Variants in PIK3C2G observed in about 807,000 individuals in gnomAD.
PIK3C2G encodes phosphatidylinositol 3-kinase C2 domain-containing subunit gamma.
Under a neutral mutation model 181.1 loss-of-function variants are expected in PIK3C2G, and 168 were observed. The ratio of observed to expected loss-of-function variants is 0.93; its 90% confidence interval spans 0.82 to 1.05. The LOEUF is 1.05. Ranked by LOEUF, PIK3C2G falls within the 50% of genes least tolerant of loss-of-function variation. The probability of loss-of-function intolerance (pLI) is 0.00; values close to 1 mark genes in which losing one functional copy is unlikely to be tolerated. For synonymous variants in PIK3C2G, 573 were observed against 592.2 expected, an observed-to-expected ratio of 0.97 and a Z score of 0.47; for missense variants, 1,869 against 1,732.8, an observed-to-expected ratio of 1.08 and a Z score of -1.40.
At chr12:18,685,587 G>A in the PIK3C2G span, 2 of 507,616 alleles carry the variant, frequency 3.9e-6, no homozygotes, top group African/African-American at 1.9e-5. Flanking sequence ...TAGCAATCTA[G>A]GGTGCAGTCT....
chr12:18,515,205 T>C (rs999745989), intron 24 of PIK3C2G, among the ~76,000 whole-genome samples: 5 of 151,938 alleles, frequency 3.3e-5, no homozygotes, highest in African/African-American at 7.2e-5. Flanking sequence ...TGTTGTGTGC[T>C]TCTCTGGTAT....
At chr12:18,623,840 T>C (rs138824415) in intron 31 of PIK3C2G, among the ~76,000 whole-genome samples, 1,910 of 151,878 alleles carry the variant, frequency 0.013, 12 homozygotes, top group Middle Eastern at 0.017. Flanking sequence ...GGAAAGTTCA[T>C]TGTTAGTCTA....
At chr12:18,698,800 G>C in the PIK3C2G span, among the ~76,000 whole-genome samples, 1 of 152,076 alleles carries the variant, frequency 6.6e-6, no homozygotes, top group African/African-American at 2.4e-5. Flanking sequence ...TACTCTTTTA[G>C]TTATTTTTAA....
chr12:18,470,529 A>T (rs1337600912), intron 18 of PIK3C2G, among the ~76,000 whole-genome samples: 1 of 152,162 alleles, frequency 6.6e-6, no homozygotes. Flanking sequence ...GCACTTTAAA[A>T]TGTGAAGATG....
chr12:18,605,149 A>T (rs1418090933), intron 30 of PIK3C2G, among the ~76,000 whole-genome samples: 2 of 152,198 alleles, frequency 1.3e-5, no homozygotes, highest in Admixed American at 1.3e-4. Context: ...AGCAAGATTA[A>T]CCAAGAAAAG....
chr12:18,413,865 G>C (rs1467821156), intron 16 of PIK3C2G, among the ~76,000 whole-genome samples: 1 of 152,128 alleles, frequency 6.6e-6, no homozygotes, highest in Non-Finnish European at 1.5e-5. Flanking sequence ...ATTTCAGTCT[G>C]TAAATATCAC....
chr12:18,626,084 G>A (rs544664312), intron 31 of PIK3C2G, among the ~76,000 whole-genome samples: 5 of 151,742 alleles, frequency 3.3e-5, no homozygotes, highest in Non-Finnish European at 5.9e-5. Flanking sequence ...TTTTATTTAT[G>A]TGTAGATACT....
intron 15 of PIK3C2G, among the ~76,000 whole-genome samples, chr12:18,391,845 G>GTCTCTC (rs55958636): frequency 2.6e-5 from 4 of 151,596 alleles, no homozygotes; most frequent in Non-Finnish European, 4.4e-5. Context: ...CTGAGAAAGT[G>GTCTCTC]TCTCTCTCTC....
At chr12:18,461,845 G>C (rs530247161) in intron 18 of PIK3C2G, among the ~76,000 whole-genome samples, 6 of 152,270 alleles carry the variant, frequency 3.9e-5, no homozygotes, top group African/African-American at 1.4e-4. Context: ...GCTACCCAGT[G>C]CATGGTATTT....
intron 16 of PIK3C2G, among the ~76,000 whole-genome samples, chr12:18,405,397 GTGTTGTTGTTGTTGT>G (rs58282294): frequency 9.3e-5 from 13 of 139,786 alleles, no homozygotes; most frequent in South Asian, 9.1e-4. Context: ...AGCAACATTT[GTGTTGTTGTTGTTGT>G]TGTTGTTGTT....
intron 26 of PIK3C2G, among the ~76,000 whole-genome samples, chr12:18,550,966 A>G (rs1443947257): frequency 6.6e-6 from 1 of 152,102 alleles, no homozygotes; most frequent in Admixed American, 6.6e-5. Flanking sequence ...CTATTTATGA[A>G]CAACCCAAGA....
rs566451332 is a variant in PIK3C2G, at chr12:18,552,916, T to C, written c.3590+6484T>C. On this transcript the variant is annotated intron_variant, in intron 26 of 32. Coordinates refer to ENST00000538779, the MANE Select transcript of PIK3C2G (RefSeq NM_001288772.2). ...AGCTATTAAGCTTTGAAAAAAGATATCGTAAACTCTTCAGGAGACTATCAG... is the reference window on the plus strand; with the variant it reads ...AGCTATTAAGCTTTGAAAAAAGATACCGTAAACTCTTCAGGAGACTATCAG... 2.6e-5 allele frequency among the ~76,000 whole-genome samples: 4 copies of C among 152,168 alleles called. No individual in the cohort carries two copies. The South Asian group carries it at 6.2e-4, about 24-fold the overall frequency.
At position 18,609,644 on chromosome 12, in the gene PIK3C2G, T is replaced by C; in HGVS notation, c.4182+15T>C. On this transcript the variant is annotated intron_variant, in intron 31 of 32. Transcript: ENST00000538779. ...TGAAAAACATTGTAAGTTTATTATG[T>C]ATAATAAGAAACATGTAAGCCTACA... is the stretch of plus-strand genomic sequence containing the variant. 5 of 1,424,272 alleles carry C rather than the reference T, an allele frequency of 3.5e-6. No individual in the cohort carries two copies. The highest frequency in any genetic ancestry group is 3.9e-6 in the Non-Finnish European group (4 of 1,030,362). The allele number at this position is 1,424,272 out of a possible 1,614,324, so 88.2% of individuals were successfully genotyped here. A position where few individuals can be genotyped will look rare whatever the true frequency, so the allele number is the denominator to read the frequency against.
downstream of PIK3C2G, among the ~76,000 whole-genome samples, chr12:18,648,997 G>A (rs1950305253): frequency 6.6e-6 from 1 of 152,052 alleles, no homozygotes; most frequent in Non-Finnish European, 1.5e-5. Flanking sequence ...ATATGAGCAT[G>A]TAAATGTATT....
chr12:18,452,324 T>C (rs148485778), intron 18 of PIK3C2G, among the ~76,000 whole-genome samples: 1 of 152,190 alleles, frequency 6.6e-6, no homozygotes, highest in Non-Finnish European at 1.5e-5. Context: ...CAGGAATTTA[T>C]CCATTTCTTC....
chr12:18,630,368 G>C, intron 31 of PIK3C2G, among the ~76,000 whole-genome samples: 1 of 152,118 alleles, frequency 6.6e-6, no homozygotes, highest in East Asian at 1.9e-4. Flanking sequence ...CCCCAGCCCG[G>C]GTAACAGAGC....
At chr12:18,526,135 T>A (rs1555113152) in intron 24 of PIK3C2G, among the ~76,000 whole-genome samples, 2 of 152,172 alleles carry the variant, frequency 1.3e-5, no homozygotes, top group Non-Finnish European at 2.9e-5. Context: ...TTTAAAACTA[T>A]CTTTTAACAA....
intron 16 of PIK3C2G, among the ~76,000 whole-genome samples, chr12:18,400,856 C>T (rs1944212075): frequency 6.6e-6 from 1 of 151,728 alleles, no homozygotes; most frequent in African/African-American, 2.4e-5. Context: ...CGGATGCCTA[C>T]CTCTTTCTTT....
intron 18 of PIK3C2G, among the ~76,000 whole-genome samples, chr12:18,468,712 T>C (rs1938155285): frequency 2.0e-5 from 3 of 152,100 alleles, no homozygotes; most frequent in Admixed American, 2.0e-4. Context: ...AAAAATAATT[T>C]CCAGCCATTT....
Sources: allele counts gnomAD v4.1 joint callset (sites outside exome capture counted in the v4.1 genomes callset), GRCh38; gene constraint gnomAD v4.1.1; transcripts MANE v1.5; gene names NCBI Gene and HGNC (gene_info 2026-07-23, HGNC 2026-07-21).